Variants in FRMD6 observed in about 807,000 individuals in gnomAD.
FRMD6 encodes FERM domain containing 6.
A neutral mutation model predicts 73.2 loss-of-function variants in FRMD6; 37 were observed. The ratio of observed to expected loss-of-function variants is 0.51; its 90% CI spans 0.39 to 0.66. The LOEUF (loss-of-function observed/expected upper bound fraction) is 0.66. Among genes scored for constraint, FRMD6 ranks in the 30% least tolerant of loss-of-function variants. The pLI, the probability that FRMD6 is intolerant of heterozygous loss-of-function variation, is 0.00. For missense variants in FRMD6, 714 were observed against 780.5 expected (o/e 0.91, Z 1.02); for synonymous variants, 273 against 282.2 (o/e 0.97, Z 0.33).
At chr14:51,679,888 T>TCATTAGC (rs1264588785) in intron 1 of FRMD6, among the ~76,000 whole-genome samples, 1 of 152,198 alleles carries the variant, frequency 6.6e-6, no homozygotes, top group Non-Finnish European at 1.5e-5. Flanking sequence ...GTACCTATTG[T>TCATTAGC]CATTAGCCTT....
At chr14:51,660,772 G>T (rs902606540) in intron 1 of FRMD6, among the ~76,000 whole-genome samples, 2 of 152,104 alleles carry the variant, frequency 1.3e-5, no homozygotes, top group African/African-American at 4.8e-5. Flanking sequence ...TGCTGGGGGA[G>T]GGAGGCAGGG....
At chr14:51,694,123 G>GTT (rs1895787217) in intron 2 of FRMD6, among the ~76,000 whole-genome samples, 1 of 152,140 alleles carries the variant, frequency 6.6e-6, no homozygotes, top group South Asian at 2.1e-4. Flanking sequence ...TAAATTTAGT[G>GTT]TTTTGGTCAT....
At chr14:51,418,340 G>T in the FRMD6 span, among the ~76,000 whole-genome samples, 15 of 152,260 alleles carry the variant, frequency 9.9e-5, no homozygotes, top group South Asian at 2.1e-4. Context: ...TGGGGTTTTG[G>T]TGTGGATGTC....
At chr14:51,450,352 AACCAG>A in the FRMD6 span, among the ~76,000 whole-genome samples, 1 of 152,182 alleles carries the variant, frequency 6.6e-6, no homozygotes, top group African/African-American at 2.4e-5. Flanking sequence ...CTAGACAGAA[AACCAG>A]ACCAGAATTT....
chr14:51,410,218 T>A, the FRMD6 span, among the ~76,000 whole-genome samples: 8 of 152,216 alleles, frequency 5.3e-5, no homozygotes, highest in African/African-American at 1.9e-4. Context: ...GAATCTAGCA[T>A]TTGCTGATTC....
chr14:51,536,574 C>T (rs1023936006), intron 1 of FRMD6, among the ~76,000 whole-genome samples: 7 of 152,062 alleles, frequency 4.6e-5, no homozygotes, highest in South Asian at 2.1e-4. Flanking sequence ...CCTGCCACCA[C>T]ACCTGGCTAA....
chr14:51,699,078 T>G (rs1896126697), intron 3 of FRMD6, among the ~76,000 whole-genome samples: 1 of 152,108 alleles, frequency 6.6e-6, no homozygotes. Context: ...TACAATAATA[T>G]GTTTACACCT....
chr14:51,469,400 T>G, the FRMD6 span, among the ~76,000 whole-genome samples: 3 of 149,562 alleles, frequency 2.0e-5, no homozygotes, highest in East Asian at 4.0e-4. Context: ...GATCACGAGG[T>G]CAGCAGATCG....
the FRMD6 span, among the ~76,000 whole-genome samples, chr14:51,458,830 G>A: frequency 6.6e-6 from 1 of 152,204 alleles, no homozygotes; most frequent in African/African-American, 2.4e-5. Context: ...AGCTGCTTAA[G>A]CTGTGTAGAG....
chr14:51,418,382 G>A, the FRMD6 span, among the ~76,000 whole-genome samples: 4 of 152,102 alleles, frequency 2.6e-5, no homozygotes, highest in East Asian at 1.9e-4. Flanking sequence ...GTTCCTTTCC[G>A]TTTGTTAGTT....
At chr14:51,704,710 C>A in intron 5 of FRMD6, 39 bp from the exon 6 acceptor site, 1 of 1,533,948 alleles carries the variant, frequency 6.5e-7, no homozygotes, top group Non-Finnish European at 8.9e-7. Context: ...TTGGATTATT[C>A]CATCAAAATG....
chr14:51,641,310 T>C (rs985904273), intron 2 of FRMD6, among the ~76,000 whole-genome samples: 2 of 152,204 alleles, frequency 1.3e-5, no homozygotes, highest in Non-Finnish European at 2.9e-5. Flanking sequence ...TTAATTTTTG[T>C]TCAATAAATT....
At chr14:51,626,156 C>T (rs1037823189) in intron 2 of FRMD6, among the ~76,000 whole-genome samples, 4 of 152,192 alleles carry the variant, frequency 2.6e-5, no homozygotes, top group Admixed American at 2.0e-4. Context: ...AAAAGGAACA[C>T]GACCACATCC....
At chr14:51,703,581 A>G (rs766237071) in intron 5 of FRMD6, among the ~76,000 whole-genome samples, 13 of 152,052 alleles carry the variant, frequency 8.5e-5, no homozygotes, top group Non-Finnish European at 1.8e-4. Flanking sequence ...AGGAATATAT[A>G]TATTTAACAA....
At chr14:51,629,070 G>A (rs1317008858) in intron 2 of FRMD6, among the ~76,000 whole-genome samples, 1 of 151,760 alleles carries the variant, frequency 6.6e-6, no homozygotes, top group Non-Finnish European at 1.5e-5. Context: ...TAGAGACGGG[G>A]TTTCACCGTG....
chr14:51,679,707 T>A (rs1199003173), intron 1 of FRMD6, among the ~76,000 whole-genome samples: 1 of 152,148 alleles, frequency 6.6e-6, no homozygotes, highest in Non-Finnish European at 1.5e-5. Flanking sequence ...ATCAGGCTTT[T>A]TGAGATATTT....
At chr14:51,624,154 G>A (rs1470352504) in intron 2 of FRMD6, among the ~76,000 whole-genome samples, 1 of 152,096 alleles carries the variant, frequency 6.6e-6, no homozygotes, top group Admixed American at 6.5e-5. Context: ...CAGAGGGCAG[G>A]GGATGGGAGG....
At chr14:51,558,474 A>C (rs149734249) in intron 1 of FRMD6, among the ~76,000 whole-genome samples, 5,935 of 148,144 alleles carry the variant, frequency 0.04, 159 homozygotes, top group Non-Finnish European at 0.056. Flanking sequence ...TCAAAAAAAA[A>C]ACAAAAAACA....
chr14:51,592,262 C>T (rs1889442077), intron 2 of FRMD6, among the ~76,000 whole-genome samples: 1 of 152,150 alleles, frequency 6.6e-6, no homozygotes, highest in Admixed American at 6.5e-5. Context: ...TCTCTCTGTC[C>T]TCGGTTCAGA....
Sources: allele counts gnomAD v4.1 joint callset (sites outside exome capture counted in the v4.1 genomes callset), GRCh38; gene constraint gnomAD v4.1.1; transcripts MANE v1.5; gene names NCBI Gene and HGNC (gene_info 2026-07-23, HGNC 2026-07-21).